ZSWIM3: variants seen among roughly 807,000 people sequenced by gnomAD.
The protein encoded by ZSWIM3 is zinc finger SWIM domain-containing protein 3.
Under a neutral mutation model 47.5 loss-of-function variants are expected in ZSWIM3, and 27 were observed. That is an observed-to-expected ratio of 0.57 (90% CI 0.42 to 0.78). The LOEUF is 0.78. Among genes scored for constraint, ZSWIM3 ranks in the 30% least tolerant of loss-of-function variants. The pLI, the probability that ZSWIM3 is intolerant of heterozygous loss-of-function variation, is 0.00. For missense variants in ZSWIM3, 689 were observed against 861.3 expected (o/e 0.80, Z 2.50); for synonymous variants, 333 against 333.9 (o/e 1.00, Z 0.03).
intron 1 of ZSWIM3, among the ~76,000 whole-genome samples, chr20:45,864,441 T>G (rs1985785613): frequency 6.6e-6 from 1 of 152,122 alleles, no homozygotes; most frequent in Admixed American, 6.6e-5. Context: ...TAGGAGGTAA[T>G]TTAGTACATG....
At position 45,878,267 on chromosome 20, in the gene ZSWIM3, C is replaced by G. The variant is rs1420259378; in HGVS notation, c.1709C>G (p.Thr570Ser). The G allele has an allele frequency of 6.2e-7, 1 of 1,614,246 alleles. No homozygotes were observed. The change falls in exon 2 of 2, where the codon ACC becomes AGC. Residue 570 changes from threonine to serine, a missense_variant. Physicochemically the swap from Thr to Ser is moderately conservative, Grantham distance 58. Transcript: ENST00000255152. ...CGACACATTTTGGCTCTGCTGCACA[C>G]CAGCCAGCAGCCGGTTGGTGAAGCC... ...PCRHILALLH[T>S]SQQPVGEAMV... is the part of the protein sequence containing the mutation.
chr20:45,868,756 A>C (rs748749383), intron 1 of ZSWIM3, among the ~76,000 whole-genome samples: 1 of 152,092 alleles, frequency 6.6e-6, no homozygotes, highest in African/African-American at 2.4e-5. Flanking sequence ...GAGAATTGGC[A>C]TATAGCTGCC....
chr20:45,860,997 A>C (rs1026090073), intron 1 of ZSWIM3, among the ~76,000 whole-genome samples: 10 of 152,240 alleles, frequency 6.6e-5, no homozygotes, highest in Admixed American at 5.2e-4. Flanking sequence ...ACGGTGGCTC[A>C]CACTTGTAAT....
intron 1 of ZSWIM3, among the ~76,000 whole-genome samples, chr20:45,865,193 C>A (rs917702202): frequency 2.0e-5 from 3 of 151,536 alleles, no homozygotes; most frequent in African/African-American, 7.3e-5. Context: ...GTGGCGCACA[C>A]CTGCAATCCC....
chr20:45,873,283 C>T (rs1986016960), intron 1 of ZSWIM3, among the ~76,000 whole-genome samples: 1 of 152,160 alleles, frequency 6.6e-6, no homozygotes, highest in Non-Finnish European at 1.5e-5. Flanking sequence ...TGCCTGTAAT[C>T]CCAGCTACTC....
intron 1 of ZSWIM3, among the ~76,000 whole-genome samples, chr20:45,863,009 A>G (rs572048145): frequency 6.6e-5 from 10 of 152,198 alleles, no homozygotes. Context: ...CATGTCTTGT[A>G]TATGCATTTG....
At chr20:45,873,355 C>T (rs1200697076) in intron 1 of ZSWIM3, among the ~76,000 whole-genome samples, 1 of 151,912 alleles carries the variant, frequency 6.6e-6, no homozygotes, top group African/African-American at 2.4e-5. Context: ...GAGTCGAGAT[C>T]GAGCCATCGC....
Position 45,878,995 on chromosome 20 carries a change from G to A in ZSWIM3, c.*346G>A, listed in dbSNP as rs911247750. The A allele has an allele frequency of 1.9e-5, 4 of 211,314 alleles. No homozygotes were observed. The highest frequency in any genetic ancestry group is 6.9e-5 in the African/African-American group (3 of 43,690). The allele number at this position is 211,314 out of a possible 1,614,324, so 13.1% of individuals were successfully genotyped here. ...CCTCAGGTTAGGGTGAGACAAAATCGGTCTGGTAAAAGGGCCTGTTTTCAG... is the reference window on the plus strand; with the variant it reads ...CCTCAGGTTAGGGTGAGACAAAATCAGTCTGGTAAAAGGGCCTGTTTTCAG... On this transcript the variant is annotated 3_prime_UTR_variant, in exon 2 of 2. Coordinates refer to ENST00000255152, the MANE Select transcript of ZSWIM3 (RefSeq NM_080752.4).
chr20:45,875,002 C>T (rs974569406), intron 1 of ZSWIM3, among the ~76,000 whole-genome samples: 5 of 149,890 alleles, frequency 3.3e-5, no homozygotes, highest in South Asian at 2.1e-4. Flanking sequence ...CCTGAGAACA[C>T]GTGCCCTGAT....
intron 1 of ZSWIM3, among the ~76,000 whole-genome samples, chr20:45,865,216 G>A (rs1985808333): frequency 6.6e-6 from 1 of 152,010 alleles, no homozygotes; most frequent in East Asian, 1.9e-4. Flanking sequence ...CTACTTGGGA[G>A]GCTGAGGCAG....
intron 1 of ZSWIM3, among the ~76,000 whole-genome samples, chr20:45,870,443 T>C (rs1235555137): frequency 6.6e-6 from 1 of 152,124 alleles, no homozygotes; most frequent in East Asian, 1.9e-4. Context: ...ATTACCTTAA[T>C]TGACTTAGAT....
chr20:45,860,831 T>C (rs2092208287), intron 1 of ZSWIM3, among the ~76,000 whole-genome samples: 1 of 152,192 alleles, frequency 6.6e-6, no homozygotes, highest in Admixed American at 6.5e-5. Flanking sequence ...CCATGTAACC[T>C]AACGTATTCA....
intron 1 of ZSWIM3, among the ~76,000 whole-genome samples, chr20:45,860,089 A>G (rs1323309454): frequency 3.9e-5 from 6 of 152,298 alleles, no homozygotes; most frequent in Non-Finnish European, 8.8e-5. Flanking sequence ...GTGAATTACC[A>G]CAAGTTTAAT....
At chr20:45,874,235 A>C (rs1348108567) in intron 1 of ZSWIM3, among the ~76,000 whole-genome samples, 1 of 152,104 alleles carries the variant, frequency 6.6e-6, no homozygotes, top group East Asian at 1.9e-4. Flanking sequence ...AAAGAGGCCG[A>C]GGGCGGTGGC....
intron 1 of ZSWIM3, among the ~76,000 whole-genome samples, chr20:45,861,538 A>T (rs1456419018): frequency 6.6e-6 from 1 of 152,046 alleles, no homozygotes; most frequent in East Asian, 1.9e-4. Context: ...CAGGAAAGGA[A>T]ATTGGAGGGT....
rs149497744 is a variant in ZSWIM3 at position 45,877,719 on chromosome 20, G to A, written c.1161G>A (p.Ala387=). The change falls in exon 2 of 2, where the codon GCG becomes GCA. Residue 387 remains alanine (A), a synonymous_variant. Coordinates refer to ENST00000255152, the MANE Select transcript of ZSWIM3 (RefSeq NM_080752.4). ...TGCATGTTAGGAAGGGCCTGCTTGC[G>A]TGTAACACCTACATGGACAGCCTAG... ...WYMHVRKGLL[A]CNTYMDSLDI... is the part of the protein sequence containing the mutation. 7.4e-5 allele frequency: 120 copies of A among 1,613,940 alleles called. No homozygotes were observed. The highest frequency in any genetic ancestry group is 1.3e-4 in the African/African-American group (10 of 75,036).
chr20:45,865,868 C>T (rs1164410245), intron 1 of ZSWIM3, among the ~76,000 whole-genome samples: 1 of 151,720 alleles, frequency 6.6e-6, no homozygotes, highest in Non-Finnish European at 1.5e-5. Flanking sequence ...TGGCAGGCGC[C>T]TGTAATCCCA....
chr20:45,866,855 C>T (rs1348436621), intron 1 of ZSWIM3, among the ~76,000 whole-genome samples: 1 of 141,364 alleles, frequency 7.1e-6, no homozygotes, highest in South Asian at 2.5e-4. Context: ...TAAAACAGTG[C>T]TCAGTAAATG....
In ZSWIM3 at chr20:45,876,907, A is replaced by C. The variant is rs781750720; in HGVS notation, c.349A>C (p.Lys117Gln). The change falls in exon 2 of 2, where the codon AAA becomes CAA. Residue 117 changes from lysine to glutamine, a missense_variant. Transcript: ENST00000255152. ...TAGTCCTGGAGGAGACACCACTGGC[A>C]AATCTCAAAAGACAATGTGCCTGCA... is the stretch of plus-strand genomic sequence containing the variant. ...VASPGGDTTG[K>Q]SQKTMCLQRL... The C allele has an allele frequency of 6.2e-7, 1 of 1,614,190 alleles. No homozygotes were observed. Among genetic ancestry groups the C allele is most frequent in the East Asian group, 2.2e-5 (1 of 44,890 alleles).
Sources: gnomAD v4.1 joint callset for allele counts (sites outside exome capture counted in the v4.1 genomes callset) on GRCh38, gnomAD v4.1.1 for gene constraint, MANE v1.5 for transcripts, NCBI Gene and HGNC (gene_info 2026-07-23, HGNC 2026-07-21) for gene names.